The following AMPH variants were observed in gnomAD, a reference collection of about 807,000 sequenced individuals.
AMPH encodes amphiphysin (Stiff-Mann syndrome with breast cancer 128kD autoantigen).
In AMPH, 49 loss-of-function variants were observed where a neutral mutation model predicts 99.1. The observed-to-expected ratio is 0.49, with a 90% CI of 0.39 to 0.63. The LOEUF is 0.63. Among genes scored for constraint, AMPH ranks in the 20% least tolerant of loss-of-function variants. AMPH has a pLI of 0.00. For missense variants in AMPH, 759 were observed against 863.4 expected, an observed-to-expected ratio of 0.88 and a Z score of 1.52; for synonymous variants, 314 against 317.3, an observed-to-expected ratio of 0.99 and a Z score of 0.11.
chr7:38,450,563 T>C (rs1229957853), intron 11 of AMPH, among the ~76,000 whole-genome samples: 1 of 152,170 alleles, frequency 6.6e-6, no homozygotes, highest in African/African-American at 2.4e-5. Context: ...CACTACTCCA[T>C]GTGTACGGTC....
Position 38,546,148 on chromosome 7 carries a change from C to T in AMPH, c.70-11137G>A, listed in dbSNP as rs139556426. Among the ~76,000 whole-genome samples the T allele has an allele frequency of 8.4e-4, 128 of 152,220 alleles. 1 individual carries two copies. The highest frequency in any genetic ancestry group is 2.9e-3 in the African/African-American group (120 of 41,544). ...CCTTGAGAACCTGGACAGAGGGTAA[C>T]GGAAGGTAGCAGAGAGATGCTGCCC... On this transcript the variant is annotated intron_variant, in intron 1 of 20. Transcript: ENST00000356264.
rs577710212 is a variant in AMPH at position 38,429,303 on chromosome 7, G to A, written c.1182+539C>T. ...TCCACCTGGAAAGGCTGGCCCCGGG[G>A]CATGCTCACTCTCTTCAGCTACAGT... On this transcript the variant is annotated intron_variant, in intron 14 of 20. Transcript: ENST00000356264. 109 of 1,287,470 alleles carry A rather than the reference G, an allele frequency of 8.5e-5. 1 individual carries two copies. In the Middle Eastern group the frequency reaches 1.5e-3, roughly 18 times the overall value. 79.8% of individuals were successfully genotyped at this position (1,287,470 alleles called of 1,614,324 possible). A position where few individuals can be genotyped will look rare whatever the true frequency, so the allele number is the denominator to read the frequency against.
At chr7:38,593,977 T>C (rs1792956324) in intron 1 of AMPH, among the ~76,000 whole-genome samples, 1 of 152,160 alleles carries the variant, frequency 6.6e-6, no homozygotes, top group Non-Finnish European at 1.5e-5. Flanking sequence ...GCGGTGGGTT[T>C]ACCCGGACAA....
chr7:38,439,616 G>T (rs994379875), intron 11 of AMPH, among the ~76,000 whole-genome samples: 1 of 152,132 alleles, frequency 6.6e-6, no homozygotes, highest in African/African-American at 2.4e-5. Flanking sequence ...AGTACACATG[G>T]TATGGTCTCA....
chr7:38,563,892 C>G (rs1420333600), intron 1 of AMPH, among the ~76,000 whole-genome samples: 1 of 152,160 alleles, frequency 6.6e-6, no homozygotes, highest in African/African-American at 2.4e-5. Flanking sequence ...TGTTTTCCTT[C>G]AAATTATATC....
chr7:38,620,237 A>G (rs1794002794), intron 1 of AMPH, among the ~76,000 whole-genome samples: 1 of 151,870 alleles, frequency 6.6e-6, no homozygotes, highest in African/African-American at 2.4e-5. Flanking sequence ...AGCCTTAATT[A>G]TATTTCTCTC....
intron 1 of AMPH, among the ~76,000 whole-genome samples, chr7:38,607,532 C>T (rs1046747218): frequency 1.3e-4 from 20 of 152,204 alleles, no homozygotes; most frequent in Non-Finnish European, 2.9e-5. Flanking sequence ...GGGTGACAGA[C>T]CCCTTCAGGG....
At chr7:38,551,036 T>G (rs1222079888) in intron 1 of AMPH, among the ~76,000 whole-genome samples, 1 of 152,174 alleles carries the variant, frequency 6.6e-6, no homozygotes, top group Non-Finnish European at 1.5e-5. Flanking sequence ...AAACCATCAG[T>G]GGCTTGCTCA....
intron 18 of AMPH, among the ~76,000 whole-genome samples, chr7:38,392,374 G>GTTAT (rs1562722574): frequency 1.1e-5 from 1 of 90,158 alleles, no homozygotes; most frequent in Non-Finnish European, 2.2e-5. Flanking sequence ...GGCCGGCCTG[G>GTTAT]TTCTTTTTTT....
intron 2 of AMPH, among the ~76,000 whole-genome samples, chr7:38,504,875 T>G (rs575148553): frequency 2.4e-4 from 37 of 152,298 alleles, no homozygotes; most frequent in African/African-American, 8.2e-4. Context: ...AAAACATGCA[T>G]GCATTTTAAT....
chr7:38,550,127 T>C (rs1037967834), intron 1 of AMPH, among the ~76,000 whole-genome samples: 4 of 152,242 alleles, frequency 2.6e-5, no homozygotes, highest in African/African-American at 9.6e-5. Context: ...TTGATGAATG[T>C]ATGAAGCAAT....
intron 14 of AMPH, chr7:38,428,401 C>T (rs1198073817): frequency 2.2e-6 from 1 of 456,696 alleles, no homozygotes; most frequent in Non-Finnish European, 4.4e-6. Flanking sequence ...CTTCTGTTTG[C>T]ATCTCTTCCC....
chr7:38,601,035 C>T (rs1219582759), intron 1 of AMPH, among the ~76,000 whole-genome samples: 4 of 152,190 alleles, frequency 2.6e-5, no homozygotes, highest in Admixed American at 6.5e-5. Context: ...AGCACAGAGA[C>T]GCCGAACTCT....
At chr7:38,436,188 G>GAA in intron 12 of AMPH, 84 bp downstream of exon 12, 1 of 970,096 alleles carries the variant, frequency 1.0e-6, no homozygotes, top group Non-Finnish European at 1.6e-6. Flanking sequence ...TAGTAGTCAT[G>GAA]AAAGGTATAG....
chr7:38,472,368 A>G (rs1417946959), intron 7 of AMPH, among the ~76,000 whole-genome samples: 1 of 152,172 alleles, frequency 6.6e-6, no homozygotes, highest in African/African-American at 2.4e-5. Flanking sequence ...GAGGCCCTAG[A>G]TAAAAGCAGC....
intron 16 of AMPH, among the ~76,000 whole-genome samples, chr7:38,418,505 C>T (rs928800443): frequency 1.3e-5 from 2 of 152,180 alleles, no homozygotes; most frequent in African/African-American, 4.8e-5. Context: ...AATAGTCAGA[C>T]TAAAATGCAT....
At chr7:38,385,296 T>C (rs1467004760) in intron 20 of AMPH, among the ~76,000 whole-genome samples, 1 of 152,142 alleles carries the variant, frequency 6.6e-6, no homozygotes, top group Non-Finnish European at 1.5e-5. Context: ...GAATACCATG[T>C]GAAAGCATTT....
chr7:38,553,525 C>T (rs1014866598), intron 1 of AMPH, among the ~76,000 whole-genome samples: 9 of 152,196 alleles, frequency 5.9e-5, no homozygotes, highest in Admixed American at 3.3e-4. Flanking sequence ...AGGGATCACA[C>T]GTGCCATTTT....
intron 20 of AMPH, among the ~76,000 whole-genome samples, chr7:38,389,376 A>G (rs1172357467): frequency 6.6e-6 from 1 of 152,198 alleles, no homozygotes; most frequent in African/African-American, 2.4e-5. Flanking sequence ...ATGAGTTTTG[A>G]CAAATACATG....
Sources: allele counts gnomAD v4.1 joint callset (sites outside exome capture counted in the v4.1 genomes callset), GRCh38; gene constraint gnomAD v4.1.1; transcripts MANE v1.5; gene names NCBI Gene and HGNC (gene_info 2026-07-23, HGNC 2026-07-21).